Variants in WWP1 observed in about 807,000 individuals in gnomAD.
The protein encoded by WWP1 is NEDD4-like E3 ubiquitin-protein ligase WWP1.
Under a neutral mutation model 130.6 loss-of-function variants are expected in WWP1, and 49 were observed. The ratio of observed to expected loss-of-function variants is 0.38; its 90% confidence interval spans 0.30 to 0.48. The LOEUF is 0.48. Ranked by LOEUF, WWP1 falls within the 20% of genes least tolerant of loss-of-function variation. The pLI is 0.99. For synonymous variants in WWP1, 332 were observed against 367.8 expected (o/e 0.90, Z 1.11); for missense variants, 809 against 1,100.6 (o/e 0.74, Z 3.75).
rs1234634621 is a variant in WWP1 at position 86,467,839 on chromosome 8, G to A, written c.*946G>A. The A allele has an allele frequency of 6.6e-6, 1 of 152,138 alleles. No individual in the cohort carries two copies. The highest frequency in any genetic ancestry group is 1.5e-5 in the Non-Finnish European group (1 of 68,030). The allele number at this position is 152,138 out of a possible 1,614,324, so 9.4% of individuals were successfully genotyped here. A position where few individuals can be genotyped will look rare whatever the true frequency, so the allele number is the denominator to read the frequency against. ...CCAGATGGATTGAAGAGTTACATAAGCATTTGAATGCTCTAATATAAGGCT... is the reference window on the plus strand; with the variant it reads ...CCAGATGGATTGAAGAGTTACATAAACATTTGAATGCTCTAATATAAGGCT... On this transcript the variant is annotated 3_prime_UTR_variant, in exon 25 of 25. Coordinates refer to ENST00000517970, the MANE Select transcript of WWP1 (RefSeq NM_007013.4).
At chr8:86,393,942 C>A (rs1366805414) in intron 5 of WWP1, among the ~76,000 whole-genome samples, 1 of 152,202 alleles carries the variant, frequency 6.6e-6, no homozygotes, top group African/African-American at 2.4e-5. Flanking sequence ...GGAGTACTCA[C>A]CATGGGAAAT....
chr8:86,403,111 T>C (rs1354225702), intron 8 of WWP1, among the ~76,000 whole-genome samples: 1 of 152,214 alleles, frequency 6.6e-6, no homozygotes, highest in East Asian at 1.9e-4. Context: ...TCCTGAAACT[T>C]AAACATCTTA....
chr8:86,386,933 T>C (rs1825319177), intron 5 of WWP1: 1 of 152,166 alleles, frequency 6.6e-6, no homozygotes, highest in Non-Finnish European at 1.5e-5. Context: ...TGCTGCATCC[T>C]CTGAAGGGGA....
At position 86,353,911 on chromosome 8, in the gene WWP1, G is replaced by T. The variant is rs571530433; in HGVS notation, c.-115+10981G>T. ...GTGTCGATGTTTACAAGTGAATACCGAACAGAACGTATATATTATACTTGG... is the reference window on the plus strand; with the variant it reads ...GTGTCGATGTTTACAAGTGAATACCTAACAGAACGTATATATTATACTTGG... On this transcript the variant is annotated intron_variant, in intron 1 of 24. Transcript: ENST00000517970. Among the ~76,000 whole-genome samples the T allele has an allele frequency of 5.6e-4, 86 of 152,302 alleles. 1 individual carries two copies. The South Asian group carries it at 0.018, about 32-fold the overall frequency.
Position 86,427,635 on chromosome 8 carries a change from TGTG to T in WWP1, c.1158-5_1158-3del. 1.3e-6 allele frequency: 2 copies of T among 1,592,456 alleles called. No individual in the cohort carries two copies. The highest frequency in any genetic ancestry group is 1.7e-6 in the Non-Finnish European group (2 of 1,166,990). ...AGATTATTGTTTATTATTGTTTACT[TGTG>T]GTAGTTGGGAAAGAAGAGTTGATGA... is the stretch of plus-strand genomic sequence containing the variant. On this transcript the variant is annotated splice_polypyrimidine_tract_variant and splice_region_variant and intron_variant, in intron 10 of 24. Transcript: ENST00000517970.
intron 20 of WWP1, among the ~76,000 whole-genome samples, 177 bp from the exon 21 acceptor site, chr8:86,452,382 C>T (rs911394648): frequency 2.6e-5 from 4 of 152,018 alleles, no homozygotes; most frequent in Admixed American, 2.6e-4. Flanking sequence ...CTGATTTCCT[C>T]AAATGTGTTA....
chr8:86,406,711 G>A (rs1808300649), intron 8 of WWP1, among the ~76,000 whole-genome samples: 1 of 152,068 alleles, frequency 6.6e-6, no homozygotes, highest in South Asian at 2.1e-4. Flanking sequence ...ATGGCTTCAT[G>A]TACCACCAGT....
chr8:86,460,106 C>T (rs1314852741), intron 22 of WWP1, among the ~76,000 whole-genome samples: 1 of 152,180 alleles, frequency 6.6e-6, no homozygotes, highest in Non-Finnish European at 1.5e-5. Flanking sequence ...ATTAGTAGTT[C>T]ACCACCTTAC....
At chr8:86,399,560 T>C (rs1807857409) in intron 7 of WWP1, among the ~76,000 whole-genome samples, 1 of 152,244 alleles carries the variant, frequency 6.6e-6, no homozygotes, top group Non-Finnish European at 1.5e-5. Context: ...TTCTTCTAAG[T>C]TGCCGTTAAG....
chr8:86,407,194 G>A (rs147685223), intron 8 of WWP1, among the ~76,000 whole-genome samples: 3 of 152,080 alleles, frequency 2.0e-5, no homozygotes, highest in Non-Finnish European at 2.9e-5. Flanking sequence ...TTTTTGCCCC[G>A]TGTTTCTGCA....
intron 1 of WWP1, among the ~76,000 whole-genome samples, chr8:86,348,218 T>C (rs1457668581): frequency 6.6e-6 from 1 of 152,084 alleles, no homozygotes; most frequent in Admixed American, 6.6e-5. Flanking sequence ...TTGACATTTC[T>C]TTTTTCTTTT....
intron 1 of WWP1, among the ~76,000 whole-genome samples, chr8:86,360,647 T>G (rs1413822832): frequency 6.6e-6 from 1 of 152,176 alleles, no homozygotes; most frequent in Non-Finnish European, 1.5e-5. Flanking sequence ...CAGTAACTAT[T>G]AATTGGGGGC....
intron 9 of WWP1, among the ~76,000 whole-genome samples, chr8:86,412,308 C>G (rs1342752320): frequency 6.6e-6 from 1 of 152,112 alleles, no homozygotes; most frequent in Admixed American, 6.5e-5. Flanking sequence ...CTGATTGGCT[C>G]TATTAAAAAT....
chr8:86,450,684 C>T (rs1295244439), intron 20 of WWP1, among the ~76,000 whole-genome samples: 1 of 152,162 alleles, frequency 6.6e-6, no homozygotes, highest in Non-Finnish European at 1.5e-5. Context: ...CAAATAATAA[C>T]AGACTTTAGT....
chr8:86,412,683 A>G (rs1256811116), intron 9 of WWP1, among the ~76,000 whole-genome samples: 1 of 145,140 alleles, frequency 6.9e-6, no homozygotes, highest in Admixed American at 6.8e-5. Context: ...CTCAGTCACT[A>G]TGTTAGTGTA....
At chr8:86,370,855 C>CTTTTTTTATTT (rs1824247728) in intron 2 of WWP1, among the ~76,000 whole-genome samples, 4 of 44,886 alleles carry the variant, frequency 8.9e-5, no homozygotes, top group Admixed American at 3.1e-4. Flanking sequence ...TATATTCATT[C>CTTTTTTTATTT]TTTTTTTTTT....
chr8:86,452,343 C>G (rs988856257), intron 20 of WWP1, among the ~76,000 whole-genome samples: 2 of 151,968 alleles, frequency 1.3e-5, no homozygotes, highest in African/African-American at 4.8e-5. Flanking sequence ...TTAAAAGCAT[C>G]CTTTTTAATA....
At chr8:86,420,863 G>T (rs964816032) in intron 9 of WWP1, among the ~76,000 whole-genome samples, 5 of 152,146 alleles carry the variant, frequency 3.3e-5, no homozygotes, top group African/African-American at 1.2e-4. Flanking sequence ...AAATAGTAAA[G>T]GATATTTGTG....
chr8:86,417,767 A>T (rs1336173455), intron 9 of WWP1, among the ~76,000 whole-genome samples: 1 of 152,244 alleles, frequency 6.6e-6, no homozygotes, highest in Admixed American at 6.5e-5. Flanking sequence ...TTTAAGTCAT[A>T]TAGAAATATT....
Sources: allele counts gnomAD v4.1 joint callset (sites outside exome capture counted in the v4.1 genomes callset), GRCh38; gene constraint gnomAD v4.1.1; transcripts MANE v1.5; gene names NCBI Gene and HGNC (gene_info 2026-07-23, HGNC 2026-07-21).